The following MEIKIN variants were observed in gnomAD, a reference collection of about 807,000 sequenced individuals.
The protein encoded by MEIKIN is meiosis-specific kinetochore protein.
intron 11 of MEIKIN, among the ~76,000 whole-genome samples, chr5:131,835,784 G>C (rs930131166): frequency 6.6e-6 from 1 of 152,042 alleles, no homozygotes; most frequent in African/African-American, 2.4e-5. Flanking sequence ...TAGTAGAGAC[G>C]GGGTTTCACT....
intron 1 of MEIKIN, 37 bp downstream of exon 1, chr5:131,945,363 C>T (rs900973380): frequency 3.5e-5 from 14 of 398,910 alleles, no homozygotes; most frequent in African/African-American, 1.4e-4. Context: ...GGAGGCAGCT[C>T]GGCTGAGCTT....
chr5:131,940,179 G>T (rs1383450387), intron 4 of MEIKIN, among the ~76,000 whole-genome samples: 2 of 152,188 alleles, frequency 1.3e-5, no homozygotes, highest in Non-Finnish European at 2.9e-5. Flanking sequence ...AGAGAAGTCA[G>T]AAGAGGCTTC....
At chr5:131,816,704 A>T (rs1290570445) in intron 12 of MEIKIN, among the ~76,000 whole-genome samples, 1 of 152,192 alleles carries the variant, frequency 6.6e-6, no homozygotes, top group Admixed American at 6.5e-5. Flanking sequence ...TAGGATCCTG[A>T]CAAATACAGG....
chr5:131,824,804 T>A (rs1267165736), intron 11 of MEIKIN, among the ~76,000 whole-genome samples: 2 of 151,514 alleles, frequency 1.3e-5, no homozygotes, highest in South Asian at 2.1e-4. Flanking sequence ...TAGCTGAAAA[T>A]TTTCCCAAAT....
At chr5:131,890,047 T>C (rs908274564) in intron 8 of MEIKIN, among the ~76,000 whole-genome samples, 1 of 152,200 alleles carries the variant, frequency 6.6e-6, no homozygotes, top group Non-Finnish European at 1.5e-5. Flanking sequence ...CAGCCCTGCA[T>C]CCCAGGGATG....
intron 4 of MEIKIN, among the ~76,000 whole-genome samples, chr5:131,941,045 A>C (rs1751861432): frequency 6.6e-6 from 1 of 150,728 alleles, no homozygotes; most frequent in African/African-American, 2.4e-5. Flanking sequence ...GGTAGCTGCC[A>C]GAGTTTCCAA....
chr5:131,846,589 T>C (rs186764427), intron 11 of MEIKIN, among the ~76,000 whole-genome samples: 8 of 152,302 alleles, frequency 5.3e-5, no homozygotes, highest in Admixed American at 3.9e-4. Context: ...TAATCTCAGC[T>C]GCAGGCAGAC....
chr5:131,837,875 C>A lies in MEIKIN; in HGVS notation c.975+13389G>T, dbSNP rs1441000187. 3.9e-5 allele frequency among the ~76,000 whole-genome samples: 6 copies of A among 152,006 alleles called. No individual in the cohort carries two copies. The East Asian group carries it at 1.2e-3, about 29-fold the overall frequency. ...TCCTTCTCTCACCTGATTGCTCTGG[C>A]CAAGATTCCTAATACTATACTAAAG... On this transcript the variant is annotated intron_variant, in intron 11 of 12. Transcript: ENST00000442687.
chr5:131,852,400 A>G (rs1750130486), intron 10 of MEIKIN, among the ~76,000 whole-genome samples: 2 of 152,148 alleles, frequency 1.3e-5, no homozygotes, highest in Admixed American at 1.3e-4. Context: ...CTGTGAGCCA[A>G]TTGAACCTCT....
chr5:131,866,229 C>G (rs1303214681), intron 9 of MEIKIN, among the ~76,000 whole-genome samples: 1 of 152,182 alleles, frequency 6.6e-6, no homozygotes, highest in Non-Finnish European at 1.5e-5. Context: ...TGGTGAATGC[C>G]AGCTGTGGTG....
rs1184977436 is a variant in MEIKIN, at chr5:131,852,209, AT to A, written c.856-827del. On this transcript the variant is annotated intron_variant, in intron 10 of 12. Transcript: ENST00000442687. ...GGACCCGGTGTGAGGTGATTGAATCATGGGGGTGGTTTTCTCCATACTGTTC... is the reference window on the plus strand; with the variant it reads ...GGACCCGGTGTGAGGTGATTGAATCAGGGGGTGGTTTTCTCCATACTGTTC... Among the ~76,000 whole-genome samples, 8 of 152,172 alleles carry A rather than the reference AT, an allele frequency of 5.3e-5. No individual in the cohort carries two copies. The East Asian group carries it at 1.5e-3, about 29-fold the overall frequency.
At chr5:131,941,284 G>A (rs865964504) in intron 4 of MEIKIN, among the ~76,000 whole-genome samples, 3 of 147,932 alleles carry the variant, frequency 2.0e-5, no homozygotes, top group Admixed American at 6.8e-5. Flanking sequence ...TCAGCCTCCC[G>A]AGTAGCTGGG....
At chr5:131,881,916 C>CT (rs1339263098) in intron 8 of MEIKIN, among the ~76,000 whole-genome samples, 1 of 152,112 alleles carries the variant, frequency 6.6e-6, no homozygotes, top group Non-Finnish European at 1.5e-5. Flanking sequence ...TTTCACAAAA[C>CT]TTAATGTGTA....
intron 11 of MEIKIN, among the ~76,000 whole-genome samples, chr5:131,845,165 G>A (rs1163692305): frequency 3.3e-5 from 5 of 150,140 alleles, no homozygotes; most frequent in African/African-American, 7.4e-5. Flanking sequence ...AGCTACTCCA[G>A]ACACTGAGGC....
chr5:131,938,153 G>C (rs548385733), intron 4 of MEIKIN, among the ~76,000 whole-genome samples: 9 of 146,024 alleles, frequency 6.2e-5, no homozygotes, highest in African/African-American at 2.3e-4. Flanking sequence ...CATAGAACTC[G>C]CCCCTCACCC....
chr5:131,916,574 T>C (rs775143860), intron 7 of MEIKIN, among the ~76,000 whole-genome samples: 5 of 152,254 alleles, frequency 3.3e-5, no homozygotes, highest in Non-Finnish European at 7.3e-5. Flanking sequence ...TCCAATTTCC[T>C]AAGTCAGAGG....
intron 9 of MEIKIN, among the ~76,000 whole-genome samples, chr5:131,872,036 C>T (rs979360449): frequency 1.8e-4 from 27 of 152,088 alleles, no homozygotes; most frequent in African/African-American, 6.5e-4. Flanking sequence ...CATAAAACCA[C>T]AAAGATGGGG....
intron 4 of MEIKIN, among the ~76,000 whole-genome samples, chr5:131,938,197 C>T (rs372373457): frequency 2.2e-5 from 3 of 137,530 alleles, no homozygotes; most frequent in African/African-American, 5.6e-5. Flanking sequence ...GATGGAGTCT[C>T]GCTCTCTCAC....
chr5:131,856,570 T>C (rs1186762738), intron 9 of MEIKIN, among the ~76,000 whole-genome samples: 1 of 152,220 alleles, frequency 6.6e-6, no homozygotes, highest in Non-Finnish European at 1.5e-5. Flanking sequence ...AGATCTGCAC[T>C]GAAGACTGGG....
Sources: gnomAD v4.1 joint callset for allele counts (sites outside exome capture counted in the v4.1 genomes callset) on GRCh38, gnomAD v4.1.1 for gene constraint, MANE v1.5 for transcripts, NCBI Gene and HGNC (gene_info 2026-07-23, HGNC 2026-07-21) for gene names.